The following HTR4 variants were observed in gnomAD, a reference collection of about 807,000 sequenced individuals.
HTR4 encodes the protein 5-hydroxytryptamine (serotonin) receptor 4, G protein-coupled.
A neutral mutation model predicts 36.8 loss-of-function variants in HTR4; 16 were observed. That is an observed-to-expected ratio of 0.43 (90% CI 0.29 to 0.66). The LOEUF (loss-of-function observed/expected upper bound fraction) is 0.66, where lower values mean the gene tolerates loss of function less well. Among genes scored for constraint, HTR4 ranks in the 30% least tolerant of loss-of-function variants. The probability of loss-of-function intolerance (pLI) is 0.13; values close to 1 mark genes in which losing one functional copy is unlikely to be tolerated. For missense variants in HTR4, 438 were observed against 490.9 expected, an observed-to-expected ratio of 0.89 and a Z score of 1.02; for synonymous variants, 189 against 185.1, an observed-to-expected ratio of 1.02 and a Z score of -0.17.
At chr5:148,523,436 G>A (rs1404759089) in intron 4 of HTR4, 90 bp from the exon 5 acceptor site, 3 of 1,076,966 alleles carry the variant, frequency 2.8e-6, no homozygotes, top group African/African-American at 1.6e-5. Context: ...AAAAGGGGAG[G>A]AAGAGGGGAT....
At chr5:148,644,768 C>T (rs1287187673) in intron 1 of HTR4, 1 of 152,096 alleles carries the variant, frequency 6.6e-6, no homozygotes, top group Non-Finnish European at 1.5e-5. Context: ...CTTGGATTCT[C>T]AGGCACCCCC....
chr5:148,547,574 T>TAAAA (rs1409909977), intron 4 of HTR4, among the ~76,000 whole-genome samples: 5 of 107,198 alleles, frequency 4.7e-5, no homozygotes, highest in African/African-American at 9.9e-5. Context: ...AATAAATAAA[T>TAAAA]AAAAATAAAT....
At chr5:148,591,846 G>T (rs1761584702) in intron 2 of HTR4, among the ~76,000 whole-genome samples, 1 of 152,182 alleles carries the variant, frequency 6.6e-6, no homozygotes, top group Non-Finnish European at 1.5e-5. Context: ...ATACACTGCT[G>T]GAGGGAGTGT....
At chr5:148,451,373 A>C in intron 5 of HTR4, 1 of 1,577,056 alleles carries the variant, frequency 6.3e-7, no homozygotes. Flanking sequence ...TTCTTTGCAT[A>C]CTTCTGAGGG....
chr5:148,523,375 G>A (rs79129596), intron 4 of HTR4, 29 bp from the exon 5 acceptor site: 1 of 1,568,638 alleles, frequency 6.4e-7, no homozygotes, highest in Non-Finnish European at 8.6e-7. Context: ...GCAGAGCATA[G>A]GCATGGGCAA....
intron 5 of HTR4, chr5:148,466,020 A>G: frequency 6.4e-7 from 1 of 1,554,454 alleles, no homozygotes; most frequent in Non-Finnish European, 8.6e-7. Flanking sequence ...ATTAGTAGAC[A>G]CATGATCTCA....
intron 2 of HTR4, among the ~76,000 whole-genome samples, chr5:148,614,753 A>G (rs1310684884): frequency 6.6e-6 from 1 of 152,132 alleles, no homozygotes; most frequent in East Asian, 1.9e-4. Context: ...CAACCTACAA[A>G]ATGGGAGAAA....
chr5:148,457,888 ATATAT>A (rs201360445), intron 5 of HTR4, among the ~76,000 whole-genome samples: 4,027 of 136,982 alleles, frequency 0.029, 214 homozygotes, highest in African/African-American at 0.1. Flanking sequence ...AAATATTAAA[ATATAT>A]TATATTTTAA....
chr5:148,636,535 G>T (rs965458527), intron 2 of HTR4, among the ~76,000 whole-genome samples: 1 of 152,104 alleles, frequency 6.6e-6, no homozygotes, highest in African/African-American at 2.4e-5. Context: ...AAACCATTTA[G>T]CTTTATGTAA....
At chr5:148,546,718 C>T (rs552089181) in intron 4 of HTR4, among the ~76,000 whole-genome samples, 2 of 152,346 alleles carry the variant, frequency 1.3e-5, no homozygotes, top group East Asian at 3.9e-4. Context: ...GCCCCTATCA[C>T]CCCTGCCTGG....
chr5:148,532,256 G>T (rs186783986), intron 4 of HTR4, among the ~76,000 whole-genome samples: 1 of 152,118 alleles, frequency 6.6e-6, no homozygotes, highest in African/African-American at 2.4e-5. Context: ...AGAAGCACAG[G>T]ACACCTGTGC....
chr5:148,535,980 TAGAG>T, intron 4 of HTR4, among the ~76,000 whole-genome samples: 2 of 150,846 alleles, frequency 1.3e-5, no homozygotes, highest in African/African-American at 4.9e-5. Flanking sequence ...TAAACACAGC[TAGAG>T]AGAGAGAGAG....
chr5:148,494,436 TC>T (rs1428186005), intron 6 of HTR4, among the ~76,000 whole-genome samples: 1 of 152,234 alleles, frequency 6.6e-6, no homozygotes, highest in Non-Finnish European at 1.5e-5. Flanking sequence ...GATTATTTTT[TC>T]TTCTGCTGTG....
At chr5:148,648,573 C>A (rs34547173) in intron 1 of HTR4, among the ~76,000 whole-genome samples, 29,524 of 152,164 alleles carry the variant, frequency 0.19, 3,439 homozygotes, top group East Asian at 0.4. Context: ...CCTTTCAGAG[C>A]AGAAAAATAC....
intron 5 of HTR4, among the ~76,000 whole-genome samples, chr5:148,470,690 A>C (rs1449475174): frequency 6.6e-6 from 1 of 152,096 alleles, no homozygotes. Flanking sequence ...TTGCTCTAGA[A>C]GTAATTTCTT....
chr5:148,579,896 T>C (rs1243741616), intron 2 of HTR4, among the ~76,000 whole-genome samples: 1 of 152,020 alleles, frequency 6.6e-6, no homozygotes, highest in African/African-American at 2.4e-5. Context: ...AAAGGGCTCA[T>C]CTGATTGGGT....
At chr5:148,609,724 C>T (rs1247503279) in intron 2 of HTR4, among the ~76,000 whole-genome samples, 1 of 152,024 alleles carries the variant, frequency 6.6e-6, no homozygotes, top group Admixed American at 6.6e-5. Flanking sequence ...CACCACCATG[C>T]CCGGCTAATT....
intron 1 of HTR4, among the ~76,000 whole-genome samples, chr5:148,643,346 G>C (rs1753783459): frequency 6.6e-6 from 1 of 152,098 alleles, no homozygotes; most frequent in Non-Finnish European, 1.5e-5. Context: ...TGGATTACAG[G>C]AAAAATAAAG....
chr5:148,532,888 A>G (rs1243530889), intron 4 of HTR4, among the ~76,000 whole-genome samples: 1 of 152,112 alleles, frequency 6.6e-6, no homozygotes. Flanking sequence ...GAGGCCCAAT[A>G]ATTTGCATTT....
Sources: gnomAD v4.1 joint callset for allele counts (sites outside exome capture counted in the v4.1 genomes callset) on GRCh38, gnomAD v4.1.1 for gene constraint, MANE v1.5 for transcripts, NCBI Gene and HGNC (gene_info 2026-07-23, HGNC 2026-07-21) for gene names.